AP3S1: variants seen among roughly 807,000 people sequenced by gnomAD.
The protein encoded by AP3S1 is adaptor related protein complex 3 subunit sigma 1.
Under a neutral mutation model 21.3 loss-of-function variants are expected in AP3S1, and 12 were observed. The ratio of observed to expected loss-of-function variants is 0.56; its 90% CI spans 0.36 to 0.91. The LOEUF is 0.91. Among genes scored for constraint, AP3S1 ranks in the 40% least tolerant of loss-of-function variants. The probability of loss-of-function intolerance (pLI) is 0.01; values close to 1 mark genes in which losing one functional copy is unlikely to be tolerated. For missense variants in AP3S1, 116 were observed against 225.0 expected, an observed-to-expected ratio of 0.52 and a Z score of 3.10; for synonymous variants, 48 against 78.4, an observed-to-expected ratio of 0.61 and a Z score of 2.05.
At chr5:115,865,383 G>A (rs193276934) in intron 1 of AP3S1, among the ~76,000 whole-genome samples, 541 of 152,202 alleles carry the variant, frequency 3.6e-3, no homozygotes, top group African/African-American at 0.013. Context: ...CAAATGCATG[G>A]GGGATCAGCA....
At chr5:115,880,223 G>A (rs1307271867) in intron 3 of AP3S1, among the ~76,000 whole-genome samples, 2 of 152,062 alleles carry the variant, frequency 1.3e-5, no homozygotes, top group Non-Finnish European at 2.9e-5. Flanking sequence ...TCTGATCTTA[G>A]TTATTTCTTG....
At chr5:115,854,170 A>C (rs577698417) in intron 1 of AP3S1, among the ~76,000 whole-genome samples, 10 of 152,338 alleles carry the variant, frequency 6.6e-5, no homozygotes, top group East Asian at 3.9e-4. Flanking sequence ...TCATGAGAGC[A>C]GAGCCCTCAT....
In AP3S1 at chr5:115,910,503, T is replaced by C. The variant is rs118137503; in HGVS notation, c.454-2859T>C. 5.8e-3 allele frequency among the ~76,000 whole-genome samples: 883 copies of C among 151,960 alleles called. 30 individuals carry two copies. Among genetic ancestry groups the C allele is most frequent in the Admixed American group, 0.04 (614 of 15,262 alleles). On this transcript the variant is annotated intron_variant, in intron 5 of 5. Coordinates refer to ENST00000316788, the MANE Select transcript of AP3S1 (RefSeq NM_001284.4). ...GTTATTTTGTTGCTTTGAATGTATC[T>C]TACTGGAAAAAAAAAAAATCTTAAC... is the stretch of plus-strand genomic sequence containing the variant.
intron 3 of AP3S1, among the ~76,000 whole-genome samples, chr5:115,894,256 G>C (rs911778717): frequency 3.9e-5 from 6 of 152,172 alleles, no homozygotes; most frequent in African/African-American, 1.4e-4. Flanking sequence ...TTCCCAACCA[G>C]GGATGTTTAC....
intron 4 of AP3S1, among the ~76,000 whole-genome samples, chr5:115,897,981 T>C (rs1036887322): frequency 1.3e-5 from 2 of 152,188 alleles, no homozygotes; most frequent in African/African-American, 4.8e-5. Flanking sequence ...CCTTTTGTTA[T>C]CAGTCAGGAT....
At chr5:115,873,096 A>C (rs1368331852) in intron 3 of AP3S1, among the ~76,000 whole-genome samples, 1 of 152,190 alleles carries the variant, frequency 6.6e-6, no homozygotes, top group Non-Finnish European at 1.5e-5. Flanking sequence ...CTTTTCCTAG[A>C]GGTAAATCAG....
chr5:115,861,322 C>A (rs1310694082), intron 1 of AP3S1, among the ~76,000 whole-genome samples: 2 of 151,952 alleles, frequency 1.3e-5, no homozygotes, highest in Non-Finnish European at 1.5e-5. Context: ...TGGAGCAGAT[C>A]ATAAAGGGGA....
chr5:115,909,191 T>A (rs1751904048), intron 5 of AP3S1, among the ~76,000 whole-genome samples: 1 of 152,188 alleles, frequency 6.6e-6, no homozygotes, highest in South Asian at 2.1e-4. Context: ...TTCAAGAAAG[T>A]TGATTGTTTA....
intron 1 of AP3S1, among the ~76,000 whole-genome samples, chr5:115,846,529 G>T: frequency 6.6e-6 from 1 of 150,584 alleles, no homozygotes; most frequent in Admixed American, 6.6e-5. Context: ...CAAGCCTTAG[G>T]AGGAACTCTA....
At chr5:115,867,901 T>G (rs1267192658) in intron 2 of AP3S1, among the ~76,000 whole-genome samples, 1 of 152,180 alleles carries the variant, frequency 6.6e-6, no homozygotes, top group African/African-American at 2.4e-5. Context: ...AAATTGTGAT[T>G]GTTCTTTTTT....
At chr5:115,884,681 G>C (rs949522569) in intron 3 of AP3S1, among the ~76,000 whole-genome samples, 4 of 152,232 alleles carry the variant, frequency 2.6e-5, no homozygotes, top group African/African-American at 9.6e-5. Flanking sequence ...ATTTTTTAAG[G>C]CTTAAGTATT....
chr5:115,864,679 C>G (rs114093306), intron 1 of AP3S1, among the ~76,000 whole-genome samples: 1 of 152,080 alleles, frequency 6.6e-6, no homozygotes, highest in African/African-American at 2.4e-5. Flanking sequence ...TCAAAGAAAT[C>G]ATGGAAGAGA....
intron 3 of AP3S1, among the ~76,000 whole-genome samples, chr5:115,882,832 G>A (rs1436253117): frequency 1.3e-5 from 2 of 152,182 alleles, no homozygotes; most frequent in Admixed American, 6.5e-5. Flanking sequence ...TCTGTCCCAG[G>A]GAGATGGGAG....
intron 1 of AP3S1, among the ~76,000 whole-genome samples, chr5:115,856,452 A>C (rs1276721147): frequency 1.4e-5 from 2 of 148,012 alleles, no homozygotes; most frequent in South Asian, 2.1e-4. Context: ...TTTTTTCTAG[A>C]GATAGCATCT....
chr5:115,876,541 A>G (rs999271723), intron 3 of AP3S1, among the ~76,000 whole-genome samples: 1 of 152,178 alleles, frequency 6.6e-6, no homozygotes. Flanking sequence ...TATTAACCCA[A>G]GAAATTAACA....
intron 1 of AP3S1, among the ~76,000 whole-genome samples, chr5:115,850,891 G>A (rs1158693459): frequency 6.6e-6 from 1 of 152,092 alleles, no homozygotes; most frequent in Non-Finnish European, 1.5e-5. Flanking sequence ...GTTTGTGAAG[G>A]CATTAAATAA....
chr5:115,907,860 G>A (rs921389580), intron 5 of AP3S1, among the ~76,000 whole-genome samples: 1 of 152,084 alleles, frequency 6.6e-6, no homozygotes, highest in Non-Finnish European at 1.5e-5. Context: ...ACTATTTTGT[G>A]TGAAACCATG....
intron 3 of AP3S1, among the ~76,000 whole-genome samples, chr5:115,879,378 A>G (rs1200704750): frequency 6.6e-6 from 1 of 152,174 alleles, no homozygotes; most frequent in Non-Finnish European, 1.5e-5. Context: ...TTCCATCTAT[A>G]CGTAGTTTAC....
chr5:115,850,760 A>C (rs1344237598), intron 1 of AP3S1, among the ~76,000 whole-genome samples: 1 of 152,196 alleles, frequency 6.6e-6, no homozygotes, highest in Admixed American at 6.5e-5. Context: ...TAAAAGGAAG[A>C]GGCTGAAGCA....
Sources: gnomAD v4.1 joint callset for allele counts (sites outside exome capture counted in the v4.1 genomes callset) on GRCh38, gnomAD v4.1.1 for gene constraint, MANE v1.5 for transcripts, NCBI Gene and HGNC (gene_info 2026-07-23, HGNC 2026-07-21) for gene names.